The following C1orf87 variants were observed in gnomAD, a reference collection of about 807,000 sequenced individuals.
C1orf87 encodes the protein uncharacterized protein C1orf87.
A neutral mutation model predicts 60.5 loss-of-function variants in C1orf87; 58 were observed. The ratio of observed to expected loss-of-function variants is 0.96; its 90% CI spans 0.78 to 1.19. The LOEUF (loss-of-function observed/expected upper bound fraction) is 1.19, where lower values mean the gene tolerates loss of function less well. C1orf87 is among the 50% of genes most tolerant of loss of function. The pLI is 0.00. For missense variants in C1orf87, 673 were observed against 638.6 expected, an observed-to-expected ratio of 1.05 and a Z score of -0.58; for synonymous variants, 236 against 227.4, an observed-to-expected ratio of 1.04 and a Z score of -0.34.
intron 6 of C1orf87, among the ~76,000 whole-genome samples, chr1:60,035,056 A>G (rs1374737872): frequency 1.3e-5 from 2 of 152,062 alleles, no homozygotes; most frequent in Non-Finnish European, 1.5e-5. Context: ...ACGTGCATTT[A>G]TTTTGGTCAC....
At chr1:60,053,580 TTGATA>T (rs76348816) in intron 3 of C1orf87, among the ~76,000 whole-genome samples, 59,147 of 151,390 alleles carry the variant, frequency 0.39, 12,010 homozygotes, top group South Asian at 0.47. Context: ...GGGAGAATTT[TTGATA>T]TGATATGAAG....
intron 7 of C1orf87, among the ~76,000 whole-genome samples, chr1:60,031,841 T>G (rs1314606469): frequency 1.3e-5 from 2 of 152,224 alleles, no homozygotes; most frequent in African/African-American, 4.8e-5. Flanking sequence ...AAGAAGAAAT[T>G]GCTGCTAAGA....
intron 2 of C1orf87, among the ~76,000 whole-genome samples, chr1:60,058,791 A>G (rs569330147): frequency 5.9e-5 from 9 of 152,212 alleles, no homozygotes; most frequent in African/African-American, 2.2e-4. Flanking sequence ...AGGAAGGTCC[A>G]TGGAAGTTTG....
At position 60,071,858 on chromosome 1, in the gene C1orf87, G is replaced by A. The variant is rs369047252; in HGVS notation, c.107+679C>T. ...AAGGAAATAATCTTAGGAAGGAAAA[G>A]TAATTTTTGACTAGCTATTACTTAT... On this transcript the variant is annotated intron_variant, in intron 2 of 11. Transcript: ENST00000371201. Among the ~76,000 whole-genome samples the A allele has an allele frequency of 1.4e-4, 21 of 152,312 alleles. No individual in the cohort carries two copies. The East Asian group carries it at 3.3e-3, about 24-fold the overall frequency.
At chr1:60,020,407 C>T (rs955862484) in intron 8 of C1orf87, among the ~76,000 whole-genome samples, 2 of 152,176 alleles carry the variant, frequency 1.3e-5, no homozygotes, top group African/African-American at 2.4e-5. Flanking sequence ...CAATGCAAGC[C>T]TGTGAAAGCA....
intron 3 of C1orf87, among the ~76,000 whole-genome samples, chr1:60,048,783 T>G (rs1645391671): frequency 6.6e-6 from 1 of 152,020 alleles, no homozygotes. Flanking sequence ...ATAATAGATA[T>G]ATATATAGAT....
Position 60,072,679 on chromosome 1 carries a change from G to GA in C1orf87, c.-27-10dup, listed in dbSNP as rs1489277934. 12 of 1,428,410 alleles carry GA rather than the reference G, an allele frequency of 8.4e-6. No individual in the cohort carries two copies. Among genetic ancestry groups the GA allele is most frequent in the African/African-American group, 1.4e-5 (1 of 70,460 alleles). The allele number at this position is 1,428,410 out of a possible 1,614,324, so 88.5% of individuals were successfully genotyped here. A position where few individuals can be genotyped will look rare whatever the true frequency, so the allele number is the denominator to read the frequency against. On this transcript the variant is annotated splice_polypyrimidine_tract_variant and intron_variant, in intron 1 of 11. Coordinates refer to ENST00000371201, the MANE Select transcript of C1orf87 (RefSeq NM_152377.3). ...AAAATCCCTTCAGATCCCTAGGGGTGAAAATAAGTAAATTGTTCCTCTTGA... is the reference window on the plus strand; with the variant it reads ...AAAATCCCTTCAGATCCCTAGGGGTGAAAAATAAGTAAATTGTTCCTCTTGA...
intron 7 of C1orf87, among the ~76,000 whole-genome samples, chr1:60,031,084 T>C (rs1052546976): frequency 1.3e-5 from 2 of 152,170 alleles, no homozygotes; most frequent in African/African-American, 4.8e-5. Flanking sequence ...TTCTCTCTTC[T>C]GCACCCAAAG....
intron 8 of C1orf87, among the ~76,000 whole-genome samples, chr1:60,018,815 G>T (rs931620281): frequency 3.3e-5 from 5 of 152,108 alleles, no homozygotes; most frequent in Non-Finnish European, 5.9e-5. Flanking sequence ...TATGTTCATC[G>T]ATTGATGTGG....
intron 11 of C1orf87, 70 bp from the exon 12 acceptor site, chr1:59,990,903 T>G: frequency 1.4e-6 from 2 of 1,454,968 alleles, no homozygotes; most frequent in Non-Finnish European, 1.9e-6. Context: ...AACTATATAT[T>G]AGCTTGAATG....
intron 3 of C1orf87, among the ~76,000 whole-genome samples, chr1:60,044,663 G>A (rs759801764): frequency 5.9e-5 from 9 of 152,096 alleles, no homozygotes; most frequent in Non-Finnish European, 8.8e-5. Flanking sequence ...CTCCCTTGCT[G>A]ATTTAAGTCA....
At chr1:60,001,657 G>A (rs886873622) in intron 9 of C1orf87, among the ~76,000 whole-genome samples, 2 of 152,038 alleles carry the variant, frequency 1.3e-5, no homozygotes, top group Non-Finnish European at 2.9e-5. Context: ...CCCTAAGAAA[G>A]GCTTTTGTAA....
chr1:60,008,743 AC>A (rs1179513131), intron 9 of C1orf87: 2 of 451,958 alleles, frequency 4.4e-6, no homozygotes, highest in Admixed American at 4.9e-5. Context: ...ACGTGACATC[AC>A]TTCAATGGTC....
At chr1:60,055,058 G>T in intron 3 of C1orf87, 146 bp downstream of exon 3, 1 of 776,012 alleles carries the variant, frequency 1.3e-6, no homozygotes, top group Non-Finnish European at 2.1e-6. Flanking sequence ...TTCATTTTCA[G>T]ATTGAAAAAA....
chr1:60,000,284 T>G (rs527499320), intron 10 of C1orf87, among the ~76,000 whole-genome samples: 13 of 152,290 alleles, frequency 8.5e-5, no homozygotes, highest in African/African-American at 3.1e-4. Flanking sequence ...ATCGCAGAGA[T>G]GCAATAAATT....
intron 11 of C1orf87, among the ~76,000 whole-genome samples, chr1:59,992,454 C>G (rs1202658871): frequency 1.3e-5 from 2 of 151,958 alleles, no homozygotes; most frequent in African/African-American, 4.8e-5. Context: ...TGAAGTTTCA[C>G]TATGTGCCCA....
At chr1:60,032,405 G>T (rs1645244719) in intron 7 of C1orf87, among the ~76,000 whole-genome samples, 1 of 144,158 alleles carries the variant, frequency 6.9e-6, no homozygotes, top group African/African-American at 2.6e-5. Context: ...ACTCTTGGGT[G>T]ATTCAATTGG....
chr1:60,019,671 T>C (rs1248839802), intron 8 of C1orf87, among the ~76,000 whole-genome samples: 1 of 152,170 alleles, frequency 6.6e-6, no homozygotes, highest in African/African-American at 2.4e-5. Flanking sequence ...ACGTCCAGGC[T>C]GAGGTAGTTT....
At chr1:60,003,800 T>C (rs957805036) in intron 9 of C1orf87, among the ~76,000 whole-genome samples, 29 of 152,012 alleles carry the variant, frequency 1.9e-4, no homozygotes, top group African/African-American at 6.8e-4. Context: ...AAAAATAAAG[T>C]CACTAGACAT....
Sources: gnomAD v4.1 joint callset for allele counts (sites outside exome capture counted in the v4.1 genomes callset) on GRCh38, gnomAD v4.1.1 for gene constraint, MANE v1.5 for transcripts, NCBI Gene and HGNC (gene_info 2026-07-23, HGNC 2026-07-21) for gene names.